Variants in PRELID2 observed in about 807,000 individuals in gnomAD.
PRELID2 encodes PRELI domain containing 2, also known as PRELI domain-containing protein 2.
Under a neutral mutation model 28.4 loss-of-function variants are expected in PRELID2, and 25 were observed. That is an observed-to-expected ratio of 0.88 (90% CI 0.64 to 1.23). The LOEUF (loss-of-function observed/expected upper bound fraction) is 1.23. Among genes scored for constraint, PRELID2 ranks in the 50% most tolerant of loss-of-function variants. The probability of loss-of-function intolerance (pLI) is 0.00; values close to 1 mark genes in which losing one functional copy is unlikely to be tolerated. For missense variants in PRELID2, 201 were observed against 214.4 expected (o/e 0.94, Z 0.39); for synonymous variants, 76 against 71.6 (o/e 1.06, Z -0.31).
the PRELID2 span, among the ~76,000 whole-genome samples, chr5:145,409,172 G>A: frequency 6.6e-6 from 1 of 152,088 alleles, no homozygotes; most frequent in Non-Finnish European, 1.5e-5. Flanking sequence ...CAAATGCTGA[G>A]ACAATATGCC....
At chr5:145,667,341 T>C (rs1210045114) in intron 1 of PRELID2, among the ~76,000 whole-genome samples, 2 of 152,070 alleles carry the variant, frequency 1.3e-5, no homozygotes, top group African/African-American at 4.8e-5. Flanking sequence ...CTGGCTCTAT[T>C]GTCAAAATAC....
At chr5:145,718,263 A>G (rs184551226) in intron 1 of PRELID2, among the ~76,000 whole-genome samples, 295 of 152,152 alleles carry the variant, frequency 1.9e-3, no homozygotes, top group Non-Finnish European at 2.9e-3. Context: ...AAAAATCAAT[A>G]GTATTCCTCA....
the PRELID2 span, among the ~76,000 whole-genome samples, chr5:145,288,331 T>C: frequency 4.3e-4 from 65 of 152,264 alleles, no homozygotes; most frequent in African/African-American, 1.5e-3. Context: ...TTTGTTACAA[T>C]CCAATACTAC....
chr5:145,718,604 C>T (rs2149715472), intron 1 of PRELID2, among the ~76,000 whole-genome samples: 1 of 151,714 alleles, frequency 6.6e-6, no homozygotes, highest in African/African-American at 2.4e-5. Flanking sequence ...CTAAGTAAAC[C>T]ATAAAACAAA....
At chr5:145,459,018 G>A in the PRELID2 span, among the ~76,000 whole-genome samples, 1 of 152,102 alleles carries the variant, frequency 6.6e-6, no homozygotes, top group Non-Finnish European at 1.5e-5. Context: ...AACTCCTTGG[G>A]GAATAAAAGG....
At chr5:145,279,641 G>C in the PRELID2 span, among the ~76,000 whole-genome samples, 1 of 151,922 alleles carries the variant, frequency 6.6e-6, no homozygotes, top group Non-Finnish European at 1.5e-5. Context: ...TAGTTGCCAG[G>C]CCAATAAAAA....
chr5:145,751,918 G>T (rs987351150), downstream of PRELID2, among the ~76,000 whole-genome samples: 1 of 152,166 alleles, frequency 6.6e-6, no homozygotes, highest in African/African-American at 2.4e-5. Flanking sequence ...GGAAGCAGAG[G>T]TTGCAGTGAG....
chr5:145,777,962 C>A (rs1386819700), intron 5 of PRELID2, among the ~76,000 whole-genome samples: 1 of 152,194 alleles, frequency 6.6e-6, no homozygotes, highest in African/African-American at 2.4e-5. Flanking sequence ...CAGCAGGAGG[C>A]AGACAGGTTC....
chr5:145,326,944 A>G, the PRELID2 span, among the ~76,000 whole-genome samples: 1 of 151,824 alleles, frequency 6.6e-6, no homozygotes, highest in South Asian at 2.1e-4. Flanking sequence ...AAGCATTTGC[A>G]ATATGAGTTG....
At chr5:145,383,829 C>T in the PRELID2 span, among the ~76,000 whole-genome samples, 2 of 151,710 alleles carry the variant, frequency 1.3e-5, no homozygotes, top group Non-Finnish European at 2.9e-5. Context: ...CACACATGCA[C>T]ATACACACAC....
intron 1 of PRELID2, among the ~76,000 whole-genome samples, chr5:145,738,784 C>T (rs113224408): frequency 0.019 from 2,826 of 152,156 alleles, 37 homozygotes; most frequent in South Asian, 0.034. Flanking sequence ...GAAACAATAG[C>T]TGAAAACTTC....
the PRELID2 span, among the ~76,000 whole-genome samples, chr5:145,339,317 G>C: frequency 6.6e-6 from 1 of 152,238 alleles, no homozygotes; most frequent in Non-Finnish European, 1.5e-5. Context: ...TGCTCAGCCA[G>C]GATTGGCGGG....
intron 1 of PRELID2, among the ~76,000 whole-genome samples, chr5:145,545,351 G>A (rs899885369): frequency 7.2e-5 from 11 of 151,878 alleles, no homozygotes; most frequent in African/African-American, 2.7e-4. Context: ...GAGGCAGTGG[G>A]AGATGAAGCC....
chr5:145,409,527 AAGAT>A, the PRELID2 span, among the ~76,000 whole-genome samples: 1 of 152,170 alleles, frequency 6.6e-6, no homozygotes, highest in African/African-American at 2.4e-5. Flanking sequence ...GGGGTGGAAA[AAGAT>A]AGTCCATGAA....
chr5:145,418,894 A>G, the PRELID2 span, among the ~76,000 whole-genome samples: 1 of 138,032 alleles, frequency 7.2e-6, no homozygotes, highest in Non-Finnish European at 1.5e-5. Flanking sequence ...CCCACCCCAC[A>G]ACAGTCCCCA....
chr5:145,292,976 C>T, the PRELID2 span, among the ~76,000 whole-genome samples: 52 of 152,216 alleles, frequency 3.4e-4, no homozygotes, highest in African/African-American at 1.1e-3. Context: ...CTGCCTCAAC[C>T]TTCTAAAGTG....
chr5:145,781,764 A>T (rs1581191193), intron 5 of PRELID2, among the ~76,000 whole-genome samples: 1 of 123,252 alleles, frequency 8.1e-6, no homozygotes, highest in Admixed American at 7.6e-5. Flanking sequence ...TATATACACT[A>T]TATATATATA....
the PRELID2 span, among the ~76,000 whole-genome samples, chr5:145,448,332 T>C: frequency 1.3e-5 from 2 of 152,038 alleles, no homozygotes; most frequent in East Asian, 3.9e-4. Context: ...TGTTTTTTTC[T>C]TGTAAATTTG....
chr5:145,623,469 T>C (rs1400786714), intron 1 of PRELID2, among the ~76,000 whole-genome samples: 1 of 149,524 alleles, frequency 6.7e-6, no homozygotes, highest in African/African-American at 2.5e-5. Context: ...AATAAATAAA[T>C]AAATAAAACA....
Sources: allele counts gnomAD v4.1 joint callset (sites outside exome capture counted in the v4.1 genomes callset), GRCh38; gene constraint gnomAD v4.1.1; transcripts MANE v1.5; gene names NCBI Gene and HGNC (gene_info 2026-07-23, HGNC 2026-07-21).